The following STK39 variants were observed in gnomAD, a reference collection of about 807,000 sequenced individuals.
STK39 encodes serine/threonine kinase 39.
STK39 carries 20 observed loss-of-function variants against 77.8 expected under a neutral mutation model. That is an observed-to-expected ratio of 0.26 (90% CI 0.18 to 0.37). The LOEUF is 0.37. STK39 is among the 10% of genes least tolerant of loss of function. The pLI is 1.00. For missense variants in STK39, 479 were observed against 656.5 expected (o/e 0.73, Z 2.95); for synonymous variants, 246 against 234.1 (o/e 1.05, Z -0.47).
chr2:168,125,402 G>A (rs1410290167), intron 10 of STK39, among the ~76,000 whole-genome samples: 1 of 152,090 alleles, frequency 6.6e-6, no homozygotes, highest in Non-Finnish European at 1.5e-5. Flanking sequence ...GAGAGGCAGC[G>A]ATGGCTACAA....
intron 5 of STK39, among the ~76,000 whole-genome samples, chr2:168,141,243 T>C (rs1687972754): frequency 6.6e-6 from 1 of 152,226 alleles, no homozygotes; most frequent in South Asian, 2.1e-4. Flanking sequence ...ACTGTACAGA[T>C]TGAGCATCCG....
chr2:168,152,224 T>C (rs752162723), intron 5 of STK39, among the ~76,000 whole-genome samples: 1 of 152,166 alleles, frequency 6.6e-6, no homozygotes, highest in Non-Finnish European at 1.5e-5. Flanking sequence ...ACACCACATA[T>C]CCATTCTTCC....
chr2:168,146,926 G>C (rs777329606), intron 5 of STK39, among the ~76,000 whole-genome samples: 1 of 152,334 alleles, frequency 6.6e-6, no homozygotes, highest in South Asian at 2.1e-4. Flanking sequence ...GGAATAAAAA[G>C]ATTAGATGAC....
chr2:168,178,146 A>C (rs1240631841), intron 2 of STK39, among the ~76,000 whole-genome samples: 1 of 152,232 alleles, frequency 6.6e-6, no homozygotes, highest in Non-Finnish European at 1.5e-5. Flanking sequence ...AACTAGTTAT[A>C]ATTAGTCATT....
intron 10 of STK39, among the ~76,000 whole-genome samples, chr2:168,115,566 GA>G (rs1331679917): frequency 6.6e-6 from 1 of 152,150 alleles, no homozygotes; most frequent in East Asian, 1.9e-4. Context: ...TATTTATCAA[GA>G]AAAAATTGAT....
chr2:168,127,844 T>C (rs1018637547), intron 10 of STK39, among the ~76,000 whole-genome samples: 1 of 152,094 alleles, frequency 6.6e-6, no homozygotes, highest in African/African-American at 2.4e-5. Flanking sequence ...TTAAAAATAG[T>C]GGAGAAAAAG....
At chr2:168,057,048 G>C (rs149869470) in intron 14 of STK39, among the ~76,000 whole-genome samples, 4 of 152,210 alleles carry the variant, frequency 2.6e-5, no homozygotes, top group African/African-American at 7.2e-5. Flanking sequence ...GCTGGGGTGA[G>C]AGAAGAGGAC....
chr2:168,132,193 T>G (rs1687714845), intron 8 of STK39, among the ~76,000 whole-genome samples: 1 of 152,166 alleles, frequency 6.6e-6, no homozygotes, highest in Middle Eastern at 3.2e-3. Context: ...AGAAAATAAC[T>G]TGGATTTTAA....
At chr2:167,977,027 T>C (rs558909369) in intron 16 of STK39, among the ~76,000 whole-genome samples, 1 of 152,306 alleles carries the variant, frequency 6.6e-6, no homozygotes, top group African/African-American at 2.4e-5. Context: ...TAGTATTATT[T>C]ACATATAGAA....
chr2:168,065,374 A>G lies in STK39; in HGVS notation c.1250T>C (p.Val417Ala). 1 of 1,614,078 alleles carries G rather than the reference A, an allele frequency of 6.2e-7. No individual in the cohort carries two copies. The highest frequency in any genetic ancestry group is 8.5e-7 in the Non-Finnish European group (1 of 1,179,932). The change falls in exon 13 of 18, where the codon GTG becomes GCG. Residue 417 changes from valine (V) to alanine (A), a missense_variant. Coordinates refer to ENST00000355999, the MANE Select transcript of STK39 (RefSeq NM_013233.3). ...TTGTTCGGGGATGGTGCTGGCACTC[A>G]CTGCAATCTGTTACGAGAGCCACCG... ...RVKEENPEIAVSASTIPEQIQ... is the reference protein window; with the variant it reads ...RVKEENPEIAASASTIPEQIQ...
chr2:168,062,128 G>A (rs1411328440), intron 14 of STK39, among the ~76,000 whole-genome samples: 3 of 152,184 alleles, frequency 2.0e-5, no homozygotes, highest in Non-Finnish European at 2.9e-5. Flanking sequence ...TAAAGTGGGC[G>A]ATTAGACTGT....
chr2:168,062,183 G>T (rs1415407668), intron 14 of STK39, among the ~76,000 whole-genome samples: 2 of 152,292 alleles, frequency 1.3e-5, no homozygotes, highest in African/African-American at 4.8e-5. Context: ...CAGTGGGCTA[G>T]ACTAAAACCT....
intron 1 of STK39, among the ~76,000 whole-genome samples, chr2:168,182,993 T>C (rs1013618123): frequency 6.6e-6 from 1 of 152,170 alleles, no homozygotes; most frequent in African/African-American, 2.4e-5. Flanking sequence ...TTTCTTCAGG[T>C]AATACTTCTC....
At chr2:168,219,092 T>C (rs1335235336) in intron 1 of STK39, among the ~76,000 whole-genome samples, 1 of 152,064 alleles carries the variant, frequency 6.6e-6, no homozygotes, top group African/African-American at 2.4e-5. Flanking sequence ...AATTTGTATA[T>C]TAAGGAAGAA....
intron 17 of STK39, among the ~76,000 whole-genome samples, chr2:167,963,825 T>C (rs1574348836): frequency 6.6e-6 from 1 of 152,182 alleles, no homozygotes; most frequent in Non-Finnish European, 1.5e-5. Flanking sequence ...CCATTTAATT[T>C]CACAAATATA....
At chr2:168,084,340 A>G (rs1686314077) in intron 10 of STK39, among the ~76,000 whole-genome samples, 1 of 152,230 alleles carries the variant, frequency 6.6e-6, no homozygotes, top group South Asian at 2.1e-4. Flanking sequence ...AGTGACTTAA[A>G]GCAACAATTA....
chr2:168,000,088 C>T (rs1046041515), intron 16 of STK39, among the ~76,000 whole-genome samples: 86 of 152,180 alleles, frequency 5.7e-4, no homozygotes, highest in Non-Finnish European at 5.9e-5. Flanking sequence ...CCAATAATAT[C>T]CCAGGGAAAT....
intron 14 of STK39, among the ~76,000 whole-genome samples, chr2:168,041,713 A>G (rs2105352990): frequency 6.6e-6 from 1 of 152,300 alleles, no homozygotes. Context: ...CCTGCTAAAA[A>G]CATTTCCTTA....
At chr2:168,049,749 G>A (rs183198619) in intron 14 of STK39, among the ~76,000 whole-genome samples, 1 of 152,332 alleles carries the variant, frequency 6.6e-6, no homozygotes, top group Non-Finnish European at 1.5e-5. Context: ...CACCAGCTGA[G>A]AACTAGCAAT....
Sources: gnomAD v4.1 joint callset for allele counts (sites outside exome capture counted in the v4.1 genomes callset) on GRCh38, gnomAD v4.1.1 for gene constraint, MANE v1.5 for transcripts, NCBI Gene and HGNC (gene_info 2026-07-23, HGNC 2026-07-21) for gene names.